PTGES: variants seen among roughly 807,000 people sequenced by gnomAD.
PTGES encodes MGST1-like 1.
Under a neutral mutation model 11.8 loss-of-function variants are expected in PTGES, and 3 were observed. That is an observed-to-expected ratio of 0.25 (90% CI 0.12 to 0.66). The LOEUF is 0.66. Ranked by LOEUF, PTGES falls within the 30% of genes least tolerant of loss-of-function variation. The pLI is 0.82. For missense variants in PTGES, 180 were observed against 213.0 expected (o/e 0.85, Z 0.96); for synonymous variants, 94 against 90.4 (o/e 1.04, Z -0.22).
In PTGES at chr9:129,748,730, G is replaced by T. The variant is rs868805845; in HGVS notation, c.134C>A (p.Ala45Asp). The T allele has an allele frequency of 6.3e-7, 1 of 1,591,706 alleles. No homozygotes were observed. ...GQVRLRKKAFANPEDALRHGG... is the reference protein window; with the variant it reads ...GQVRLRKKAFDNPEDALRHGG... Reference sequence around the variant, plus strand: ...GTGTCTCAGGGCATCCTCGGGGTTGGCAAAGGCCTGAAATATACCAGTTGA... The same window carrying T: ...GTGTCTCAGGGCATCCTCGGGGTTGTCAAAGGCCTGAAATATACCAGTTGA... Residue 45 changes from alanine (A) to aspartate (D), a missense_variant, in exon 2 of 3, where the codon GCC becomes GAC. Coordinates refer to ENST00000340607, the MANE Select transcript of PTGES (RefSeq NM_004878.5).
chr9:129,750,833 G>A (rs1057268759), intron 1 of PTGES, among the ~76,000 whole-genome samples: 2 of 152,260 alleles, frequency 1.3e-5, no homozygotes, highest in Middle Eastern at 6.8e-3. Flanking sequence ...GAGGAGCCAG[G>A]GCCTGTGACT....
At chr9:129,743,605 C>CA (rs1833021619) in intron 2 of PTGES, among the ~76,000 whole-genome samples, 1 of 152,202 alleles carries the variant, frequency 6.6e-6, no homozygotes, top group African/African-American at 2.4e-5. Flanking sequence ...GGCCGCTCCA[C>CA]AGGGTCTCCT....
At position 129,745,410 on chromosome 9, in the gene PTGES, A is replaced by T. The variant is rs1833040170; in HGVS notation, c.209+3245T>A. ...ATTTGACAGAAGGGTGACTCGAATCATACCATAAACCCTGGTCTAATATTT... is the reference window on the plus strand; with the variant it reads ...ATTTGACAGAAGGGTGACTCGAATCTTACCATAAACCCTGGTCTAATATTT... On this transcript the variant is annotated intron_variant, in intron 2 of 2. Transcript: ENST00000340607. This position sits in a 1 kb window ranked among gnomAD's most constrained non-coding sequence, Gnocchi z 4.2. 6.6e-6 allele frequency among the ~76,000 whole-genome samples: 1 copy of T among 152,252 alleles called. No individual in the cohort carries two copies. The highest frequency in any genetic ancestry group is 1.5e-5 in the Non-Finnish European group (1 of 68,044).
At chr9:129,752,242 C>T (rs1008108716) in intron 1 of PTGES, among the ~76,000 whole-genome samples, 4 of 152,158 alleles carry the variant, frequency 2.6e-5, no homozygotes, top group African/African-American at 9.7e-5. Flanking sequence ...TGCATTCTGC[C>T]GCCAGGACAG....
At chr9:129,748,935 T>G (rs1172974865) in intron 1 of PTGES, among the ~76,000 whole-genome samples, 198 bp from the exon 2 acceptor site, 1 of 152,178 alleles carries the variant, frequency 6.6e-6, no homozygotes, top group Non-Finnish European at 1.5e-5. Flanking sequence ...CTGTCTCTGC[T>G]TTTATGAAGC....
chr9:129,745,499 G>A lies in PTGES; in HGVS notation c.209+3156C>T, dbSNP rs561584396. On this transcript the variant is annotated intron_variant, in intron 2 of 2. Transcript: ENST00000340607. The surrounding 1 kb of genome is among the most constrained non-coding windows in gnomAD (Gnocchi z 4.2). Reference sequence around the variant, plus strand: ...TCCAGCCAGTTCTCCGGTAGCAGACGGCAGGATATAGAATTCTCTTAGTTC... The same window carrying A: ...TCCAGCCAGTTCTCCGGTAGCAGACAGCAGGATATAGAATTCTCTTAGTTC... Among the ~76,000 whole-genome samples, 2 of 152,258 alleles carry A rather than the reference G, an allele frequency of 1.3e-5. No individual in the cohort carries two copies. Among genetic ancestry groups the A allele is most frequent in the East Asian group, 1.9e-4 (1 of 5,180 alleles).
intron 1 of PTGES, among the ~76,000 whole-genome samples, chr9:129,752,477 C>G (rs1833121850): frequency 6.6e-6 from 1 of 152,222 alleles, no homozygotes; most frequent in Non-Finnish European, 1.5e-5. Flanking sequence ...TTGGGAATTT[C>G]CACTTAAACG....
intron 2 of PTGES, among the ~76,000 whole-genome samples, chr9:129,744,809 G>A (rs7858196): frequency 0.016 from 2,456 of 151,884 alleles, 59 homozygotes; most frequent in African/African-American, 0.056. Flanking sequence ...CCCGGGAGGC[G>A]GAGGTTGCAG....
intron 2 of PTGES, among the ~76,000 whole-genome samples, chr9:129,746,215 G>C (rs2130952834): frequency 6.6e-6 from 1 of 152,218 alleles, no homozygotes; most frequent in Non-Finnish European, 1.5e-5. Flanking sequence ...CTGCAGCCTG[G>C]GAGGAGCCAA....
Position 129,752,955 on chromosome 9 carries a change from T to C in PTGES, c.58A>G (p.Ser20Gly), listed in dbSNP as rs1486550915. The change falls in exon 1 of 3, where the codon AGC (serine) becomes GGC (glycine). Residue 20 changes from serine to glycine, a missense_variant. By Grantham distance (56) the Ser-to-Gly change is moderately conservative. Coordinates refer to ENST00000340607, the MANE Select transcript of PTGES (RefSeq NM_004878.5). ...SPALPAFLLC[S>G]TLLVIKMYVV... ...TACATCTTGATGACCAGCAGCGTGCTGCAGAGCAGGAAGGCCGGGAGGGCC... is the reference window on the plus strand; with the variant it reads ...TACATCTTGATGACCAGCAGCGTGCCGCAGAGCAGGAAGGCCGGGAGGGCC... The C allele has an allele frequency of 6.2e-7, 1 of 1,612,826 alleles. No homozygotes were observed. The highest frequency in any genetic ancestry group is 8.5e-7 in the Non-Finnish European group (1 of 1,180,034).
In PTGES at chr9:129,739,389, C is replaced by T. The variant is rs556896512; in HGVS notation, c.*222G>A. 5.0e-6 allele frequency: 3 copies of T among 605,132 alleles called. No individual in the cohort carries two copies. The highest frequency in any genetic ancestry group is 8.4e-6 in the Non-Finnish European group (3 of 355,260). 37.5% of individuals were successfully genotyped at this position (605,132 alleles called of 1,614,324 possible). On this transcript the variant is annotated 3_prime_UTR_variant, in exon 3 of 3. Transcript: ENST00000340607. The surrounding 1 kb of genome is among the most constrained non-coding windows in gnomAD (Gnocchi z 5.7). ...GTCTTGAAATGGTTCCCATCAGCCACTTCGTGCAGGAATCCAAGGGGCTAA... is the reference window on the plus strand; with the variant it reads ...GTCTTGAAATGGTTCCCATCAGCCATTTCGTGCAGGAATCCAAGGGGCTAA...
At chr9:129,752,149 CAG>C (rs1554728158) in intron 1 of PTGES, among the ~76,000 whole-genome samples, 4 of 152,204 alleles carry the variant, frequency 2.6e-5, no homozygotes, top group African/African-American at 9.6e-5. Flanking sequence ...GAACTGGACA[CAG>C]GGGAAGACAG....
chr9:129,743,400 A>T lies in PTGES; in HGVS notation c.210-3540T>A, dbSNP rs181240719. Among the ~76,000 whole-genome samples the T allele has an allele frequency of 2.6e-5, 4 of 152,320 alleles. No individual in the cohort carries two copies. The East Asian group carries it at 5.8e-4, about 22-fold the overall frequency. ...CAGACGTGCTCGGGTGAAATGCATC[A>T]TTCAAATAATAACCATTTTTTTAAG... On this transcript the variant is annotated intron_variant, in intron 2 of 2. Coordinates refer to ENST00000340607, the MANE Select transcript of PTGES (RefSeq NM_004878.5).
rs142699239 is a variant in PTGES at position 129,752,402 on chromosome 9, C to T, written c.126+485G>A. Among the ~76,000 whole-genome samples the T allele has an allele frequency of 2.4e-4, 36 of 152,334 alleles. 1 individual carries two copies. The highest frequency in any genetic ancestry group is 8.4e-4 in the African/African-American group (35 of 41,582). ...GGAAATTCCTCGCTGAGCACCCCGA[C>T]GGTGCCCGGCTGGGAGCTGGCCTTT... On this transcript the variant is annotated intron_variant, in intron 1 of 2. Coordinates refer to ENST00000340607, the MANE Select transcript of PTGES (RefSeq NM_004878.5).
Position 129,739,794 on chromosome 9 carries a change from C to T in PTGES, c.276G>A (p.Leu92=). The part of the protein sequence containing the change: ...FLFLGFVYSF[L]GPNPFVAWMH... ...TCCAGGCGACAAAAGGGTTAGGACC[C>T]AGAAAGGAGTAGACGAAGCCCAGGA... Residue 92 remains leucine (L), a synonymous_variant, in exon 3 of 3, where the codon CTG becomes CTA. Coordinates refer to ENST00000340607, the MANE Select transcript of PTGES (RefSeq NM_004878.5). The surrounding 1 kb of genome is among the most constrained non-coding windows in gnomAD (Gnocchi z 5.7). 1 of 1,574,884 alleles carries T rather than the reference C, an allele frequency of 6.3e-7. No homozygotes were observed. Among genetic ancestry groups the T allele is most frequent in the Non-Finnish European group, 8.6e-7 (1 of 1,159,820 alleles).
chr9:129,752,794 C>T, intron 1 of PTGES, 93 bp downstream of exon 1: 1 of 1,595,870 alleles, frequency 6.3e-7, no homozygotes, highest in Admixed American at 1.7e-5. Flanking sequence ...CTGCACACAC[C>T]TTGGCCATGT....
rs1258714857 is a variant in PTGES, at chr9:129,739,410, G to A, written c.*201C>T. The A allele has an allele frequency of 4.4e-6, 3 of 681,758 alleles. No homozygotes were observed. In the Admixed American group the frequency reaches 9.3e-5, roughly 21 times the overall value. 42.2% of individuals were successfully genotyped at this position (681,758 alleles called of 1,614,324 possible). A position where few individuals can be genotyped will look rare whatever the true frequency, so the allele number is the denominator to read the frequency against. On this transcript the variant is annotated 3_prime_UTR_variant, in exon 3 of 3. Coordinates refer to ENST00000340607, the MANE Select transcript of PTGES (RefSeq NM_004878.5). This position sits in a 1 kb window ranked among gnomAD's most constrained non-coding sequence, Gnocchi z 5.7. ...GCCACTTCGTGCAGGAATCCAAGGG[G>A]CTAAGAAACATACACACACACATAC...
Position 129,752,950 on chromosome 9 carries a change from C to A in PTGES, c.63G>T (p.Thr21=). 1 of 1,613,024 alleles carries A rather than the reference C, an allele frequency of 6.2e-7. No homozygotes were observed. The highest frequency in any genetic ancestry group is 8.5e-7 in the Non-Finnish European group (1 of 1,180,040). The part of the protein sequence containing the change: ...PALPAFLLCS[T]LLVIKMYVVA... Reference sequence around the variant, plus strand: ...CCACGTACATCTTGATGACCAGCAGCGTGCTGCAGAGCAGGAAGGCCGGGA... The same window carrying A: ...CCACGTACATCTTGATGACCAGCAGAGTGCTGCAGAGCAGGAAGGCCGGGA... The change falls in exon 1 of 3, where the codon ACG becomes ACT. Residue 21 remains threonine (T), a synonymous_variant. Coordinates refer to ENST00000340607, the MANE Select transcript of PTGES (RefSeq NM_004878.5).
rs1028151826 is a variant in PTGES at position 129,739,680 on chromosome 9, G to A, written c.390C>T (p.Tyr130=). 31 of 1,562,892 alleles carry A rather than the reference G, an allele frequency of 2.0e-5. No individual in the cohort carries two copies. The highest frequency in any genetic ancestry group is 2.5e-5 in the Non-Finnish European group (29 of 1,153,556). Residue 130 remains tyrosine (Y), a synonymous_variant, in exon 3 of 3, where the codon TAC becomes TAT. Transcript: ENST00000340607. The surrounding 1 kb of genome is among the most constrained non-coding windows in gnomAD (Gnocchi z 5.7). ...AGGCGCAGGGGAGCTGGGCCAGGGT[G>A]TAGGTCACGGAGCGGATGGGTGCCC... ...KLRAPIRSVT[Y]TLAQLPCASM... is the part of the protein sequence containing the mutation.
Sources: gnomAD v4.1 joint callset for allele counts (sites outside exome capture counted in the v4.1 genomes callset) on GRCh38, gnomAD v4.1.1 for gene constraint, Gnocchi (gnomAD v3.1) non-coding constraint, MANE v1.5 for transcripts, NCBI Gene and HGNC (gene_info 2026-07-23, HGNC 2026-07-21) for gene names.